The following RBFOX1 variants were observed in gnomAD, a reference collection of about 807,000 sequenced individuals.
The protein encoded by RBFOX1 is RNA binding protein fox-1 homolog 1.
A neutral mutation model predicts 57.7 loss-of-function variants in RBFOX1; 8 were observed. The ratio of observed to expected loss-of-function variants is 0.14; its 90% CI spans 0.08 to 0.25. The LOEUF is 0.25. Among genes scored for constraint, RBFOX1 ranks in the 10% least tolerant of loss-of-function variants. RBFOX1 has a pLI of 1.00. For missense variants in RBFOX1, 611 were observed against 548.5 expected (o/e 1.11, Z -1.14); for synonymous variants, 326 against 222.4 (o/e 1.47, Z -4.15).
intron 2 of RBFOX1, among the ~76,000 whole-genome samples, chr16:6,612,412 T>C (rs1273424488): frequency 2.6e-5 from 4 of 152,248 alleles, no homozygotes; most frequent in African/African-American, 9.6e-5. Flanking sequence ...TGTATGCATA[T>C]GTGTGTATGT....
At chr16:6,363,481 G>T (rs1419179785) in intron 2 of RBFOX1, among the ~76,000 whole-genome samples, 1 of 152,164 alleles carries the variant, frequency 6.6e-6, no homozygotes, top group Non-Finnish European at 1.5e-5. Context: ...GAATGGATGG[G>T]TTTACTTATT....
chr16:6,531,347 C>A (rs1183567422), intron 2 of RBFOX1, among the ~76,000 whole-genome samples: 27 of 152,088 alleles, frequency 1.8e-4, no homozygotes, highest in Non-Finnish European at 5.9e-5. Flanking sequence ...GGACTCATGG[C>A]TTTGTGGGTG....
chr16:7,641,041 A>G (rs1229178743), intron 11 of RBFOX1, among the ~76,000 whole-genome samples: 2 of 152,136 alleles, frequency 1.3e-5, no homozygotes, highest in Non-Finnish European at 2.9e-5. Context: ...CACATTCCCA[A>G]GGGCCCCAGC....
intron 4 of RBFOX1, among the ~76,000 whole-genome samples, chr16:7,212,418 C>T (rs1157563515): frequency 6.6e-6 from 1 of 152,062 alleles, no homozygotes; most frequent in Admixed American, 6.6e-5. Flanking sequence ...CCCCTCTTTC[C>T]CACTATTTTA....
At chr16:7,166,972 C>CTTTTTTTTTTTTTTTTTTTTTCTTTT (rs2079658671) in intron 4 of RBFOX1, among the ~76,000 whole-genome samples, 1 of 49,098 alleles carries the variant, frequency 2.0e-5, no homozygotes, top group Non-Finnish European at 3.4e-5. Context: ...CATTGGTGTT[C>CTTTTTTTTTTTTTTTTTTTTTCTTTT]TTTTTTTTTT....
intron 1 of RBFOX1, among the ~76,000 whole-genome samples, chr16:5,387,783 G>A (rs1256728233): frequency 6.6e-6 from 1 of 152,214 alleles, no homozygotes; most frequent in African/African-American, 2.4e-5. Context: ...CATCAATGTT[G>A]TGGGTGGAAT....
intron 1 of RBFOX1, among the ~76,000 whole-genome samples, chr16:6,060,075 A>C (rs917363643): frequency 1.3e-5 from 2 of 149,344 alleles, no homozygotes; most frequent in African/African-American, 4.9e-5. Flanking sequence ...TACATTGTTT[A>C]AAAAAATAGG....
chr16:6,786,717 C>T (rs545172642), intron 3 of RBFOX1, among the ~76,000 whole-genome samples: 15 of 152,134 alleles, frequency 9.9e-5, no homozygotes, highest in Non-Finnish European at 2.1e-4. Flanking sequence ...CACTACGGTG[C>T]TCCCATCTAG....
At chr16:6,856,988 G>A (rs1164531721) in intron 3 of RBFOX1, among the ~76,000 whole-genome samples, 1 of 152,180 alleles carries the variant, frequency 6.6e-6, no homozygotes. Flanking sequence ...AGGAGGACTT[G>A]AGATAAATAT....
chr16:7,219,763 A>C (rs544085482), intron 4 of RBFOX1, among the ~76,000 whole-genome samples: 1 of 152,282 alleles, frequency 6.6e-6, no homozygotes, highest in Admixed American at 6.5e-5. Context: ...CCTTTTAGAA[A>C]AGCCAGACGG....
chr16:7,189,964 A>C (rs1000048631), intron 4 of RBFOX1, among the ~76,000 whole-genome samples: 1 of 152,276 alleles, frequency 6.6e-6, no homozygotes, highest in African/African-American at 2.4e-5. Flanking sequence ...ATGCAAATGT[A>C]GAGTTCTTCA....
Position 6,933,768 on chromosome 16 carries a change from G to A in RBFOX1, c.-15-118289G>A, listed in dbSNP as rs558251557. On this transcript the variant is annotated intron_variant, in intron 3 of 15. Coordinates refer to ENST00000550418, the MANE Select transcript of RBFOX1 (RefSeq NM_018723.4). Reference sequence around the variant, plus strand: ...TAAAAGGGAGTGGGGAAGAAGTATGGTCAGAACATTTTCCAAACTAGTGTT... The same window carrying A: ...TAAAAGGGAGTGGGGAAGAAGTATGATCAGAACATTTTCCAAACTAGTGTT... Among the ~76,000 whole-genome samples the A allele has an allele frequency of 3.9e-5, 6 of 152,282 alleles. No individual in the cohort carries two copies. The South Asian group carries it at 1.2e-3, about 32-fold the overall frequency.
chr16:6,955,667 C>A (rs992700502), intron 3 of RBFOX1, among the ~76,000 whole-genome samples: 1 of 149,494 alleles, frequency 6.7e-6, no homozygotes, highest in South Asian at 2.1e-4. Context: ...TACACCACCA[C>A]TTTATTTATT....
intron 5 of RBFOX1, among the ~76,000 whole-genome samples, chr16:7,544,574 T>C (rs2083881145): frequency 6.6e-6 from 1 of 152,026 alleles, no homozygotes; most frequent in South Asian, 2.1e-4. Flanking sequence ...ACACCAAGGA[T>C]TGCCAGGAGC....
At chr16:5,502,591 A>T (rs1336437579) in intron 2 of RBFOX1, among the ~76,000 whole-genome samples, 1 of 152,166 alleles carries the variant, frequency 6.6e-6, no homozygotes, top group Non-Finnish European at 1.5e-5. Flanking sequence ...CAGGGCAGCG[A>T]GAGGGGAGAA....
chr16:7,280,319 CCTT>C (rs1319647607), intron 4 of RBFOX1, among the ~76,000 whole-genome samples: 1 of 152,214 alleles, frequency 6.6e-6, no homozygotes, highest in African/African-American at 2.4e-5. Flanking sequence ...AGAATAGAGT[CCTT>C]CTTCTCCCTC....
chr16:6,850,713 G>C (rs938825481), intron 3 of RBFOX1, among the ~76,000 whole-genome samples: 1 of 152,016 alleles, frequency 6.6e-6, no homozygotes, highest in Non-Finnish European at 1.5e-5. Flanking sequence ...CAATTTGTTG[G>C]CTAAAATAAA....
intron 3 of RBFOX1, among the ~76,000 whole-genome samples, chr16:6,999,216 A>ATTTTTTTTTTTTTTTTTTTTTTTTTTTT: frequency 9.2e-6 from 1 of 109,032 alleles, no homozygotes; most frequent in South Asian, 2.7e-4. Context: ...ATTTTTATTT[A>ATTTTTTTTTTTTTTTTTTTTTTTTTTTT]TTTTTTTTAT....
intron 4 of RBFOX1, among the ~76,000 whole-genome samples, chr16:7,457,565 C>G (rs1362312495): frequency 6.6e-6 from 1 of 152,128 alleles, no homozygotes; most frequent in African/African-American, 2.4e-5. Flanking sequence ...CCCTGGAGCT[C>G]TTTGATGCTC....
Sources: gnomAD v4.1 joint callset for allele counts (sites outside exome capture counted in the v4.1 genomes callset) on GRCh38, gnomAD v4.1.1 for gene constraint, MANE v1.5 for transcripts, NCBI Gene and HGNC (gene_info 2026-07-23, HGNC 2026-07-21) for gene names.